The following DGKB variants were observed in gnomAD, a reference collection of about 807,000 sequenced individuals.
The protein encoded by DGKB is diacylglycerol kinase beta.
In DGKB, 67 loss-of-function variants were observed where a neutral mutation model predicts 114.3. The observed-to-expected ratio is 0.59, with a 90% CI of 0.48 to 0.72. The LOEUF (loss-of-function observed/expected upper bound fraction) is 0.72. Ranked by LOEUF, DGKB falls within the 30% of genes least tolerant of loss-of-function variation. The pLI is 0.00. For missense variants in DGKB, 907 were observed against 975.2 expected (o/e 0.93, Z 0.93); for synonymous variants, 398 against 323.1 (o/e 1.23, Z -2.49).
intron 2 of DGKB, among the ~76,000 whole-genome samples, chr7:14,799,806 T>A (rs1335127563): frequency 6.6e-6 from 1 of 152,232 alleles, no homozygotes; most frequent in African/African-American, 2.4e-5. Flanking sequence ...TTGGGCCATA[T>A]GAACCAGCAG....
chr7:14,873,235 A>G (rs562200069), intron 1 of DGKB, among the ~76,000 whole-genome samples: 1 of 152,234 alleles, frequency 6.6e-6, no homozygotes, highest in Admixed American at 6.5e-5. Context: ...CAATGGGGCT[A>G]GCATCCCTTT....
chr7:14,558,243 TTC>T (rs1254109444), intron 20 of DGKB, among the ~76,000 whole-genome samples: 8 of 151,632 alleles, frequency 5.3e-5, no homozygotes, highest in African/African-American at 1.7e-4. Flanking sequence ...GTAATGAATT[TTC>T]TCTTAGTTTA....
chr7:14,877,543 G>A (rs113447746), intron 1 of DGKB, among the ~76,000 whole-genome samples: 2 of 152,066 alleles, frequency 1.3e-5, no homozygotes, highest in East Asian at 1.9e-4. Flanking sequence ...GAAAAATAGC[G>A]AAACTTTGTC....
rs781117399 is a variant in DGKB at position 14,607,479 on chromosome 7, T to A, written c.1388A>T (p.Asn463Ile). The A allele has an allele frequency of 6.3e-7, 1 of 1,587,826 alleles. No homozygotes were observed. Among genetic ancestry groups the A allele is most frequent in the Admixed American group, 1.7e-5 (1 of 59,278 alleles). The part of the protein sequence containing the change: ...RIYRKFQYLL[N>I]PRQVYSLSGN... ...AGAAAGACTGTAAACCTGACGAGGATTTAATAGATACTGGAATTTTCTGTA... is the reference window on the plus strand; with the variant it reads ...AGAAAGACTGTAAACCTGACGAGGAATTAATAGATACTGGAATTTTCTGTA... Residue 463 changes from asparagine to isoleucine, a missense_variant, in exon 17 of 26, where the codon AAT becomes ATT. Asn to Ile is a moderately radical substitution (Grantham distance 149). This residue lies in a region of DGKB where 814 missense variants were observed against 856.6 expected (regional missense o/e 0.95). Transcript: ENST00000402815.
chr7:14,278,605 C>A (rs761707624), intron 23 of DGKB, among the ~76,000 whole-genome samples: 2 of 151,962 alleles, frequency 1.3e-5, no homozygotes, highest in African/African-American at 4.8e-5. Flanking sequence ...GATATGACCC[C>A]CAAAGCACAG....
At chr7:14,644,656 AAG>A (rs2128881298) in intron 13 of DGKB, among the ~76,000 whole-genome samples, 2 of 152,332 alleles carry the variant, frequency 1.3e-5, no homozygotes, top group African/African-American at 4.8e-5. Flanking sequence ...ACACAAAAAA[AAG>A]AGAAAAAGAA....
intron 5 of DGKB, among the ~76,000 whole-genome samples, chr7:14,719,171 A>G (rs569026515): frequency 6.8e-4 from 103 of 152,354 alleles, no homozygotes; most frequent in African/African-American, 2.2e-3. Flanking sequence ...ATATTTGCCA[A>G]TACCATGAAG....
chr7:14,516,982 G>A (rs755207319), intron 20 of DGKB, among the ~76,000 whole-genome samples: 1 of 151,982 alleles, frequency 6.6e-6, no homozygotes, highest in Non-Finnish European at 1.5e-5. Context: ...AACCAAAAAA[G>A]AACCTTAATA....
At chr7:14,215,773 C>A (rs1012697511) in intron 23 of DGKB, among the ~76,000 whole-genome samples, 1 of 151,920 alleles carries the variant, frequency 6.6e-6, no homozygotes, top group Non-Finnish European at 1.5e-5. Context: ...TAATTAGTAA[C>A]CAGTGTTATT....
intron 23 of DGKB, among the ~76,000 whole-genome samples, chr7:14,251,491 T>G (rs980463342): frequency 6.6e-6 from 1 of 152,158 alleles, no homozygotes; most frequent in African/African-American, 2.4e-5. Flanking sequence ...TTTTAAAGTT[T>G]TGTTTGTCTA....
At chr7:14,959,056 T>C (rs1331459678) in intron 1 of DGKB, among the ~76,000 whole-genome samples, 1 of 152,110 alleles carries the variant, frequency 6.6e-6, no homozygotes, top group East Asian at 1.9e-4. Context: ...TGATATTTTG[T>C]TTGGGATTTT....
chr7:14,913,777 A>G (rs933843208), intron 1 of DGKB, among the ~76,000 whole-genome samples: 2 of 152,134 alleles, frequency 1.3e-5, no homozygotes, highest in Non-Finnish European at 2.9e-5. Flanking sequence ...ACTCCAACAT[A>G]TAAAGGGCAT....
chr7:14,176,949 A>G, intron 24 of DGKB, 50 bp from the exon 25 acceptor site: 1 of 1,607,910 alleles, frequency 6.2e-7, no homozygotes, highest in Non-Finnish European at 8.5e-7. Context: ...ACTTTATATT[A>G]CAGACTATAT....
chr7:14,890,005 A>T (rs1780937131), intron 1 of DGKB, among the ~76,000 whole-genome samples: 1 of 151,620 alleles, frequency 6.6e-6, no homozygotes, highest in Admixed American at 6.6e-5. Flanking sequence ...ACATGTATGC[A>T]TTAAAAAATG....
At position 14,782,437 on chromosome 7, in the gene DGKB, G is replaced by T. The variant is rs1394344864; in HGVS notation, c.71-24706C>A. On this transcript the variant is annotated intron_variant, in intron 2 of 25. Coordinates refer to ENST00000402815, the MANE Select transcript of DGKB (RefSeq NM_001350709.2). Reference sequence around the variant, plus strand: ...AAAAAAAACTTTCACCCTCTAACTGGGTATATCTCATTTGTGATAATTTTA... The same window carrying T: ...AAAAAAAACTTTCACCCTCTAACTGTGTATATCTCATTTGTGATAATTTTA... Among the ~76,000 whole-genome samples the T allele has an allele frequency of 1.4e-3, 216 of 151,618 alleles. 2 individuals are homozygous for T. Among genetic ancestry groups the T allele is most frequent in the Non-Finnish European group, 1.2e-4 (8 of 67,944 alleles).
At chr7:14,308,261 T>A (rs1314225773) in intron 23 of DGKB, among the ~76,000 whole-genome samples, 1 of 152,116 alleles carries the variant, frequency 6.6e-6, no homozygotes. Flanking sequence ...ATGCCATGAG[T>A]AATTTAATAA....
chr7:14,617,998 G>A (rs1229691562), intron 15 of DGKB, among the ~76,000 whole-genome samples: 1 of 151,442 alleles, frequency 6.6e-6, no homozygotes, highest in Non-Finnish European at 1.5e-5. Flanking sequence ...TTTAAAGGTT[G>A]CTATAATGCT....
At chr7:14,425,818 G>A (rs1368181709) in intron 21 of DGKB, among the ~76,000 whole-genome samples, 1 of 152,080 alleles carries the variant, frequency 6.6e-6, no homozygotes, top group Non-Finnish European at 1.5e-5. Context: ...TGCCTAATCA[G>A]TGCAGTCTCA....
intron 19 of DGKB, among the ~76,000 whole-genome samples, chr7:14,575,754 T>C (rs1446007788): frequency 6.6e-6 from 1 of 152,144 alleles, no homozygotes; most frequent in South Asian, 2.1e-4. Flanking sequence ...CGGAACAACA[T>C]TTTCAGTTTT....
Sources: allele counts gnomAD v4.1 joint callset (sites outside exome capture counted in the v4.1 genomes callset), GRCh38; gene constraint gnomAD v4.1.1; regional missense constraint gnomAD v4.1.1; transcripts MANE v1.5; gene names NCBI Gene and HGNC (gene_info 2026-07-23, HGNC 2026-07-21).